Variants in LYRM4 observed in about 807,000 individuals in gnomAD.
LYRM4 encodes LYR motif-containing protein 4.
A neutral mutation model predicts 11.7 loss-of-function variants in LYRM4; 9 were observed. The ratio of observed to expected loss-of-function variants is 0.77; its 90% confidence interval spans 0.46 to 1.34. The LOEUF (loss-of-function observed/expected upper bound fraction) is 1.34. LYRM4 is among the 40% of genes most tolerant of loss of function. The pLI, the probability that LYRM4 is intolerant of heterozygous loss-of-function variation, is 0.00. For synonymous variants in LYRM4, 42 were observed against 40.4 expected, an observed-to-expected ratio of 1.04 and a Z score of -0.15; for missense variants, 133 against 112.5, an observed-to-expected ratio of 1.18 and a Z score of -0.82.
intron 2 of LYRM4, among the ~76,000 whole-genome samples, chr6:5,158,370 T>C (rs1758543013): frequency 6.6e-6 from 1 of 152,100 alleles, no homozygotes; most frequent in Non-Finnish European, 1.5e-5. Flanking sequence ...CCACGATTAA[T>C]GATAACATTC....
At chr6:5,064,275 G>C in the LYRM4 span, among the ~76,000 whole-genome samples, 5 of 152,062 alleles carry the variant, frequency 3.3e-5, no homozygotes, top group Admixed American at 1.3e-4. Context: ...TTCTATCCCA[G>C]CAAGCCCTGA....
the LYRM4 span, among the ~76,000 whole-genome samples, chr6:5,062,306 TTAATA>T: frequency 0.22 from 32,292 of 147,560 alleles, 4,290 homozygotes; most frequent in African/African-American, 0.38. Flanking sequence ...TACATATTAA[TTAATA>T]TATTTATAAC....
At position 5,245,111 on chromosome 6, in the gene LYRM4, AAAATATATATATATATATATATATATAT is replaced by A. The variant is rs1351518065; in HGVS notation, c.86+15509_86+15536del. ...CCTTAAAAAAAAAAAAAAAAAAAAA[AAAATATATATATATATATATATATATAT>A]ATATATATATATATATATATATATA... On this transcript the variant is annotated intron_variant, in intron 1 of 2. Transcript: ENST00000330636. 3.7e-4 allele frequency among the ~76,000 whole-genome samples: 12 copies of A among 32,302 alleles called. 3 individuals are homozygous for A. In the East Asian group the frequency reaches 7.7e-3, roughly 21 times the overall value. 21.2% of individuals were successfully genotyped at this position (32,302 alleles called of 152,430 possible). A position where few individuals can be genotyped will look rare whatever the true frequency, so the allele number is the denominator to read the frequency against.
At chr6:5,095,724 T>TCC in the LYRM4 span, among the ~76,000 whole-genome samples, 1 of 152,160 alleles carries the variant, frequency 6.6e-6, no homozygotes, top group African/African-American at 2.4e-5. Context: ...ACACCTATAA[T>TCC]CCCAGCACTT....
At chr6:5,044,046 A>G in the LYRM4 span, among the ~76,000 whole-genome samples, 3 of 152,054 alleles carry the variant, frequency 2.0e-5, no homozygotes, top group Non-Finnish European at 4.4e-5. Flanking sequence ...GTGTGAAACT[A>G]TCTCCTAATC....
chr6:5,033,301 C>G, the LYRM4 span: 1 of 152,084 alleles, frequency 6.6e-6, no homozygotes, highest in Non-Finnish European at 1.5e-5. Context: ...CACACGGAAT[C>G]TTTATGCTAG....
At chr6:5,143,102 A>G (rs1462529620) in intron 2 of LYRM4, among the ~76,000 whole-genome samples, 6 of 152,200 alleles carry the variant, frequency 3.9e-5, no homozygotes, top group African/African-American at 1.4e-4. Flanking sequence ...CAGTGATGCC[A>G]CTTCCTGTTC....
the LYRM4 span, among the ~76,000 whole-genome samples, chr6:5,060,111 G>C: frequency 1.3e-5 from 2 of 152,174 alleles, no homozygotes; most frequent in Non-Finnish European, 2.9e-5. Flanking sequence ...ATTGTTTCTG[G>C]TCTTTTCCTG....
intron 1 of LYRM4, among the ~76,000 whole-genome samples, chr6:5,229,368 G>A (rs1006670566): frequency 6.6e-5 from 10 of 152,180 alleles, no homozygotes; most frequent in Non-Finnish European, 1.3e-4. Context: ...CAAAGCGGGC[G>A]ATTGTCTTCC....
At chr6:5,211,268 T>C (rs1327614998) in intron 2 of LYRM4, among the ~76,000 whole-genome samples, 5 of 152,132 alleles carry the variant, frequency 3.3e-5, no homozygotes, top group Non-Finnish European at 7.3e-5. Context: ...TGACTGACAA[T>C]GAGAGAGGGC....
intron 2 of LYRM4, among the ~76,000 whole-genome samples, chr6:5,158,156 C>A (rs1221415340): frequency 1.3e-5 from 2 of 152,216 alleles, no homozygotes; most frequent in South Asian, 4.1e-4. Flanking sequence ...TTTATGCATG[C>A]ATGTGAATGC....
chr6:5,111,756 G>C (rs1762893443), intron 2 of LYRM4, among the ~76,000 whole-genome samples: 1 of 152,226 alleles, frequency 6.6e-6, no homozygotes, highest in African/African-American at 2.4e-5. Flanking sequence ...GGATGGGTGG[G>C]GGCAGGAGGA....
the LYRM4 span, chr6:5,084,805 G>A: frequency 6.6e-6 from 1 of 152,376 alleles, no homozygotes; most frequent in Admixed American, 6.5e-5. Flanking sequence ...GGGAAAGCAG[G>A]AGCAGAAGGG....
the LYRM4 span, among the ~76,000 whole-genome samples, chr6:5,046,234 C>T: frequency 2.6e-5 from 4 of 152,094 alleles, no homozygotes; most frequent in African/African-American, 9.7e-5. Flanking sequence ...GCAAGCTCTG[C>T]CTCCTGGGTT....
chr6:5,198,833 C>T (rs2746228), intron 2 of LYRM4, among the ~76,000 whole-genome samples: 112,376 of 152,150 alleles, frequency 0.74, 41,799 homozygotes, highest in East Asian at 0.84. Flanking sequence ...CTGGTTGTTT[C>T]ATGTATAAAA....
At chr6:5,246,492 T>A (rs951760589) in intron 1 of LYRM4, among the ~76,000 whole-genome samples, 1 of 152,174 alleles carries the variant, frequency 6.6e-6, no homozygotes, top group Non-Finnish European at 1.5e-5. Flanking sequence ...ACCACATTTA[T>A]CCTAGTGCCC....
chr6:5,036,530 C>A, the LYRM4 span, among the ~76,000 whole-genome samples: 2 of 152,198 alleles, frequency 1.3e-5, no homozygotes, highest in Non-Finnish European at 2.9e-5. Flanking sequence ...TCAGCCCCTG[C>A]TTGGCCATGG....
chr6:5,216,811 A>T, intron 1 of LYRM4, 73 bp from the exon 2 acceptor site: 1 of 1,539,314 alleles, frequency 6.5e-7, no homozygotes, highest in East Asian at 2.3e-5. Flanking sequence ...TGAATTTTAA[A>T]GTTTTTCCTT....
chr6:5,102,410 G>C (rs1177046683), downstream of LYRM4, among the ~76,000 whole-genome samples: 2 of 152,114 alleles, frequency 1.3e-5, no homozygotes, highest in Non-Finnish European at 2.9e-5. Context: ...TTTAAGACTA[G>C]AACCAATTGT....
Sources: gnomAD v4.1 joint callset for allele counts (sites outside exome capture counted in the v4.1 genomes callset) on GRCh38, gnomAD v4.1.1 for gene constraint, MANE v1.5 for transcripts, NCBI Gene and HGNC (gene_info 2026-07-23, HGNC 2026-07-21) for gene names.